The following SDK1 variants were observed in gnomAD, a reference collection of about 807,000 sequenced individuals.
The protein encoded by SDK1 is sidekick cell adhesion molecule 1.
SDK1 carries 157 observed loss-of-function variants against 245.5 expected under a neutral mutation model. That is an observed-to-expected ratio of 0.64 (90% CI 0.56 to 0.73). The LOEUF is 0.73. Among genes scored for constraint, SDK1 ranks in the 30% least tolerant of loss-of-function variants. SDK1 has a pLI of 0.00. For missense variants in SDK1, 3,583 were observed against 3,002.3 expected, an observed-to-expected ratio of 1.19 and a Z score of -4.52; for synonymous variants, 1,647 against 1,278.5, an observed-to-expected ratio of 1.29 and a Z score of -6.15.
At chr7:3,698,413 T>A (rs935059135) in intron 4 of SDK1, among the ~76,000 whole-genome samples, 1 of 152,148 alleles carries the variant, frequency 6.6e-6, no homozygotes, top group Non-Finnish European at 1.5e-5. Flanking sequence ...GCTGTCAGGG[T>A]GTCCCTTGTC....
intron 8 of SDK1, 87 bp from the exon 9 acceptor site, chr7:3,962,570 T>G: frequency 8.8e-7 from 1 of 1,138,156 alleles, no homozygotes; most frequent in Non-Finnish European, 1.2e-6. Context: ...ATTAAAATAT[T>G]GGCATTCTAG....
chr7:3,926,833 C>A (rs754497850), intron 5 of SDK1, among the ~76,000 whole-genome samples: 4 of 152,234 alleles, frequency 2.6e-5, no homozygotes, highest in Non-Finnish European at 5.9e-5. Flanking sequence ...ACTGTGTGAC[C>A]CAGGCCACAT....
At chr7:3,616,798 A>T (rs1048227654) in intron 1 of SDK1, among the ~76,000 whole-genome samples, 1 of 152,202 alleles carries the variant, frequency 6.6e-6, no homozygotes, top group Non-Finnish European at 1.5e-5. Context: ...AACTAGTTTC[A>T]GTGTTAACAT....
rs58944332 is a variant in SDK1, at chr7:4,235,673, C to T, written c.5993-1974C>T. On this transcript the variant is annotated intron_variant, in intron 41 of 44. Coordinates refer to ENST00000404826, the MANE Select transcript of SDK1 (RefSeq NM_152744.4). The stretch of plus-strand genomic sequence containing the variant: ...GAGCAATTACACATGCACAGAAAGC[C>T]GGTTCCTCATGCGGAACGTGCACTT... 3.0e-3 allele frequency among the ~76,000 whole-genome samples: 451 copies of T among 152,348 alleles called. 4 individuals are homozygous for T. Among genetic ancestry groups the T allele is most frequent in the African/African-American group, 0.01 (436 of 41,586 alleles).
chr7:3,409,825 GT>G (rs1779151069), intron 1 of SDK1, among the ~76,000 whole-genome samples: 3 of 152,144 alleles, frequency 2.0e-5, no homozygotes, highest in Non-Finnish European at 4.4e-5. Context: ...TCTTGTGTTT[GT>G]GTTGGTAAGA....
At chr7:3,390,824 G>A (rs1261889620) in intron 1 of SDK1, among the ~76,000 whole-genome samples, 2 of 152,164 alleles carry the variant, frequency 1.3e-5, no homozygotes, top group East Asian at 3.8e-4. Context: ...CTCCAGAGCT[G>A]AGAGAATAAA....
chr7:3,698,933 C>T (rs1386014216), intron 4 of SDK1, among the ~76,000 whole-genome samples: 1 of 152,270 alleles, frequency 6.6e-6, no homozygotes, highest in African/African-American at 2.4e-5. Flanking sequence ...AAGGATCAGT[C>T]TATAATAACC....
At chr7:3,490,433 T>G (rs1256322215) in intron 1 of SDK1, among the ~76,000 whole-genome samples, 1 of 152,214 alleles carries the variant, frequency 6.6e-6, no homozygotes, top group East Asian at 1.9e-4. Context: ...ATGCATTCAA[T>G]AAGTATTTAT....
At chr7:3,801,069 C>G (rs1247688961) in intron 4 of SDK1, among the ~76,000 whole-genome samples, 1 of 152,164 alleles carries the variant, frequency 6.6e-6, no homozygotes, top group Non-Finnish European at 1.5e-5. Flanking sequence ...CTAGTATATT[C>G]CAAAGCACAG....
chr7:3,488,456 C>T (rs1262724799), intron 1 of SDK1, among the ~76,000 whole-genome samples: 1 of 151,990 alleles, frequency 6.6e-6, no homozygotes, highest in African/African-American at 2.4e-5. Flanking sequence ...GTATTTTTGT[C>T]CTGAATTTCA....
chr7:4,041,327 A>G (rs1409133682), intron 17 of SDK1, among the ~76,000 whole-genome samples: 2 of 150,012 alleles, frequency 1.3e-5, no homozygotes, highest in East Asian at 3.9e-4. Flanking sequence ...TTCATAGGAC[A>G]GTTGAGTAGA....
At chr7:4,011,302 C>T (rs939561884) in intron 15 of SDK1, among the ~76,000 whole-genome samples, 189 bp downstream of exon 15, 8 of 152,234 alleles carry the variant, frequency 5.3e-5, no homozygotes, top group African/African-American at 1.7e-4. Flanking sequence ...CTTAGCTGGG[C>T]CTTCCTTCAT....
chr7:4,102,954 T>TAAAAAAAAAAAAAAAAAAA (rs34174910), intron 22 of SDK1, among the ~76,000 whole-genome samples: 1 of 113,240 alleles, frequency 8.8e-6, no homozygotes, highest in African/African-American at 3.0e-5. Context: ...TAAAAAAAGT[T>TAAAAAAAAAAAAAAAAAAA]AAAAAAAAAA....
chr7:4,127,320 G>C, intron 25 of SDK1, 61 bp from the exon 26 acceptor site: 1 of 1,261,226 alleles, frequency 7.9e-7, no homozygotes, highest in South Asian at 1.2e-5. Flanking sequence ...GTGAAAGCTG[G>C]ATCTTTGTAT....
chr7:3,807,046 T>A (rs1164654353), intron 4 of SDK1, among the ~76,000 whole-genome samples: 2 of 152,202 alleles, frequency 1.3e-5, no homozygotes, highest in African/African-American at 4.8e-5. Flanking sequence ...TCTTATTTTC[T>A]CATTTTAGAT....
At chr7:3,847,775 A>G (rs939253484) in intron 5 of SDK1, among the ~76,000 whole-genome samples, 3 of 152,216 alleles carry the variant, frequency 2.0e-5, no homozygotes, top group Admixed American at 6.5e-5. Context: ...TTAAAACAAA[A>G]CCATGACATC....
chr7:4,136,537 C>T (rs916532361), intron 28 of SDK1, among the ~76,000 whole-genome samples: 8 of 152,214 alleles, frequency 5.3e-5, no homozygotes, highest in African/African-American at 1.7e-4. Context: ...GAGGAGAAAA[C>T]ACTTGCTTAT....
intron 2 of SDK1, among the ~76,000 whole-genome samples, chr7:3,620,699 G>C (rs1018156038): frequency 1.3e-5 from 2 of 152,070 alleles, no homozygotes; most frequent in Admixed American, 6.5e-5. Context: ...TGCCTGGTCT[G>C]CAGCCCCAAT....
chr7:3,475,159 G>A (rs1428829656), intron 1 of SDK1, among the ~76,000 whole-genome samples: 3 of 152,100 alleles, frequency 2.0e-5, no homozygotes, highest in Non-Finnish European at 4.4e-5. Context: ...CCCTTATGTA[G>A]AAGCTGATGA....
Sources: allele counts gnomAD v4.1 joint callset (sites outside exome capture counted in the v4.1 genomes callset), GRCh38; gene constraint gnomAD v4.1.1; transcripts MANE v1.5; gene names NCBI Gene and HGNC (gene_info 2026-07-23, HGNC 2026-07-21).